The following PTPN4 variants were observed in gnomAD, a reference collection of about 807,000 sequenced individuals.
PTPN4 encodes the protein protein tyrosine phosphatase non-receptor type 4.
A neutral mutation model predicts 135.5 loss-of-function variants in PTPN4; 49 were observed. The ratio of observed to expected loss-of-function variants is 0.36; its 90% CI spans 0.29 to 0.46. The LOEUF (loss-of-function observed/expected upper bound fraction) is 0.46. PTPN4 is among the 20% of genes least tolerant of loss of function. The pLI is 1.00. For missense variants in PTPN4, 860 were observed against 1,101.0 expected (o/e 0.78, Z 3.10); for synonymous variants, 333 against 369.9 (o/e 0.90, Z 1.14).
intron 8 of PTPN4, 151 bp downstream of exon 8, chr2:119,882,774 TG>T: frequency 1.4e-6 from 1 of 739,722 alleles, no homozygotes; most frequent in Non-Finnish European, 2.0e-6. Flanking sequence ...AGGTGATCTA[TG>T]CTAAAAAACG....
chr2:119,789,845 C>T (rs1230117825), intron 1 of PTPN4, among the ~76,000 whole-genome samples: 1 of 152,076 alleles, frequency 6.6e-6, no homozygotes, highest in Non-Finnish European at 1.5e-5. Context: ...GCCTCAGCCT[C>T]CTGAGTAGCT....
At chr2:119,853,989 G>C (rs972277052) in intron 2 of PTPN4, among the ~76,000 whole-genome samples, 2 of 152,300 alleles carry the variant, frequency 1.3e-5, no homozygotes, top group East Asian at 1.9e-4. Context: ...AGGGAGCGGG[G>C]CTCTGAACGA....
chr2:119,843,218 C>CTTTT (rs779045976), intron 2 of PTPN4, among the ~76,000 whole-genome samples: 8 of 107,286 alleles, frequency 7.5e-5, no homozygotes, highest in South Asian at 3.1e-4. Flanking sequence ...ATGCATTTTT[C>CTTTT]TTTTTTTTTT....
chr2:119,908,979 T>G (rs1391715884), intron 10 of PTPN4, among the ~76,000 whole-genome samples: 2 of 152,100 alleles, frequency 1.3e-5, no homozygotes, highest in Non-Finnish European at 2.9e-5. Context: ...TAACTCTCTT[T>G]AATTATGTGA....
intron 9 of PTPN4, among the ~76,000 whole-genome samples, chr2:119,887,508 C>T (rs1028991621): frequency 6.6e-6 from 1 of 152,160 alleles, no homozygotes; most frequent in South Asian, 2.1e-4. Context: ...TTTATAGTTT[C>T]GGGTATTACA....
At chr2:119,903,131 T>C (rs1260725887) in intron 10 of PTPN4, among the ~76,000 whole-genome samples, 2 of 152,056 alleles carry the variant, frequency 1.3e-5, no homozygotes, top group Non-Finnish European at 2.9e-5. Flanking sequence ...GGCAGTGCAG[T>C]GTGCCAGGGA....
At chr2:119,825,495 CTTTTT>C (rs891070534) in intron 2 of PTPN4, among the ~76,000 whole-genome samples, 2 of 129,302 alleles carry the variant, frequency 1.5e-5, no homozygotes, top group Non-Finnish European at 1.6e-5. Flanking sequence ...GAACCCAAGC[CTTTTT>C]TTTTTTTTTT....
At position 119,982,924 on chromosome 2, in the gene PTPN4, A is replaced by G. The variant is rs1679715810; in HGVS notation, c.*5854A>G. The G allele has an allele frequency of 6.6e-6, 1 of 152,242 alleles. No homozygotes were observed. Among genetic ancestry groups the G allele is most frequent in the Non-Finnish European group, 1.5e-5 (1 of 68,040 alleles). The allele number at this position is 152,242 out of a possible 1,614,324, so 9.4% of individuals were successfully genotyped here. On this transcript the variant is annotated 3_prime_UTR_variant, in exon 27 of 27. Coordinates refer to ENST00000263708, the MANE Select transcript of PTPN4 (RefSeq NM_002830.4). ...GAGTTTATATTAATTCAGCTGAACA[A>G]GAACTACATCTTAAACCACCTTTGT...
At chr2:119,805,565 A>G (rs186408767) in intron 1 of PTPN4, among the ~76,000 whole-genome samples, 26 of 152,192 alleles carry the variant, frequency 1.7e-4, no homozygotes, top group African/African-American at 5.1e-4. Context: ...TGTTTTTGTC[A>G]GGTTTGTCAA....
At position 119,760,216 on chromosome 2, in the gene PTPN4, A is replaced by G; in HGVS notation, c.-186A>G. 1 of 396,204 alleles carries G rather than the reference A, an allele frequency of 2.5e-6. No individual in the cohort carries two copies. Among genetic ancestry groups the G allele is most frequent in the East Asian group, 3.6e-5 (1 of 27,944 alleles). 24.5% of individuals were successfully genotyped at this position (396,204 alleles called of 1,614,324 possible). Reference sequence around the variant, plus strand: ...CGGCCCGCGGCTGCCCAGCAGCATGAGGTGGTGCTGGCGGCTCCGGGTCGT... The same window carrying G: ...CGGCCCGCGGCTGCCCAGCAGCATGGGGTGGTGCTGGCGGCTCCGGGTCGT... On this transcript the variant is annotated 5_prime_UTR_variant, in exon 1 of 27. Transcript: ENST00000263708.
intron 1 of PTPN4, chr2:119,771,723 C>T (rs1690738402): frequency 6.6e-6 from 1 of 152,188 alleles, no homozygotes; most frequent in African/African-American, 2.4e-5. Flanking sequence ...CTATCACAGC[C>T]CTATCAGCCC....
intron 11 of PTPN4, among the ~76,000 whole-genome samples, chr2:119,918,183 A>G: frequency 6.6e-6 from 1 of 152,224 alleles, no homozygotes; most frequent in East Asian, 1.9e-4. Flanking sequence ...GTGATGTTTT[A>G]AGCATATTCC....
chr2:119,900,445 A>G lies in PTPN4; in HGVS notation c.676-273A>G, dbSNP rs951154493. Among the ~76,000 whole-genome samples the G allele has an allele frequency of 6.6e-5, 10 of 152,126 alleles. No homozygotes were observed. Among genetic ancestry groups the G allele is most frequent in the Non-Finnish European group, 1.0e-4 (7 of 67,980 alleles). ...TCTGAATTCTTGGTTCCTATTCCAA[A>G]GAGTCAGTTCTAGTCATAAATTGTG... is the stretch of plus-strand genomic sequence containing the variant. On this transcript the variant is annotated intron_variant, in intron 9 of 26. Transcript: ENST00000263708.
At chr2:119,937,332 A>G (rs1244436252) in intron 15 of PTPN4, among the ~76,000 whole-genome samples, 1 of 152,164 alleles carries the variant, frequency 6.6e-6, no homozygotes, top group African/African-American at 2.4e-5. Context: ...GATTTTTTTT[A>G]AGGTTTTTCA....
At position 119,965,538 on chromosome 2, in the gene PTPN4, C is replaced by T; in HGVS notation, c.2451C>T (p.Ala817=). ...SRPLTQIQYI[A]WPDHGVPDDS... ...CACTCACTCAGATCCAGTACATAGCCTGGCCTGACCATGGAGTCCCTGATG... is the reference window on the plus strand; with the variant it reads ...CACTCACTCAGATCCAGTACATAGCTTGGCCTGACCATGGAGTCCCTGATG... The change falls in exon 25 of 27, where the codon GCC becomes GCT. Residue 817 remains alanine (A), a synonymous_variant. Transcript: ENST00000263708. The T allele has an allele frequency of 6.2e-7, 1 of 1,613,636 alleles. No individual in the cohort carries two copies. Among genetic ancestry groups the T allele is most frequent in the Non-Finnish European group, 8.5e-7 (1 of 1,179,536 alleles).
intron 1 of PTPN4, among the ~76,000 whole-genome samples, chr2:119,789,067 CA>C (rs1393886121): frequency 1.3e-5 from 2 of 151,946 alleles, no homozygotes; most frequent in Non-Finnish European, 2.9e-5. Context: ...TTATCCTTGC[CA>C]ACACTTGTTA....
chr2:119,957,118 A>AGG (rs1574420952), intron 22 of PTPN4, 41 bp downstream of exon 22: 2 of 1,525,640 alleles, frequency 1.3e-6, no homozygotes, highest in East Asian at 2.3e-5. Context: ...TTGGAAAAAT[A>AGG]CGAGCCACTA....
At chr2:119,953,423 A>G (rs1411729205) in intron 19 of PTPN4, among the ~76,000 whole-genome samples, 1 of 151,984 alleles carries the variant, frequency 6.6e-6, no homozygotes, top group Non-Finnish European at 1.5e-5. Context: ...TATCTTCTCC[A>G]CTTTGTGTTC....
At chr2:119,766,650 AG>A (rs1380733389) in intron 1 of PTPN4, among the ~76,000 whole-genome samples, 1 of 152,210 alleles carries the variant, frequency 6.6e-6, no homozygotes, top group East Asian at 1.9e-4. Flanking sequence ...AGGTTTTGAA[AG>A]GTAACTCCTG....
Sources: gnomAD v4.1 joint callset for allele counts (sites outside exome capture counted in the v4.1 genomes callset) on GRCh38, gnomAD v4.1.1 for gene constraint, MANE v1.5 for transcripts, NCBI Gene and HGNC (gene_info 2026-07-23, HGNC 2026-07-21) for gene names.